The following GALNT13 variants were observed in gnomAD, a reference collection of about 807,000 sequenced individuals.
The protein encoded by GALNT13 is UDP-GalNAc:polypeptide N-acetylgalactosaminyltransferase 13.
A neutral mutation model predicts 64.2 loss-of-function variants in GALNT13; 28 were observed. The ratio of observed to expected loss-of-function variants is 0.44; its 90% confidence interval spans 0.32 to 0.60. The LOEUF is 0.60. Among genes scored for constraint, GALNT13 ranks in the 20% least tolerant of loss-of-function variants. The pLI is 0.05. For synonymous variants in GALNT13, 214 were observed against 224.6 expected, an observed-to-expected ratio of 0.95 and a Z score of 0.42; for missense variants, 577 against 669.8, an observed-to-expected ratio of 0.86 and a Z score of 1.53.
the GALNT13 span, among the ~76,000 whole-genome samples, chr2:153,231,157 T>C: frequency 6.6e-6 from 1 of 152,164 alleles, no homozygotes; most frequent in Non-Finnish European, 1.5e-5. Context: ...CCCAGGAATG[T>C]AGGCCGATGA....
intron 9 of GALNT13, among the ~76,000 whole-genome samples, chr2:154,359,223 C>T (rs1362358875): frequency 6.6e-6 from 1 of 152,028 alleles, no homozygotes; most frequent in African/African-American, 2.4e-5. Context: ...GACCGGGTAT[C>T]CTATTCAAGG....
chr2:153,786,589 AGAG>A, the GALNT13 span, among the ~76,000 whole-genome samples: 297 of 152,000 alleles, frequency 2.0e-3, 11 homozygotes, highest in East Asian at 0.046. Context: ...TATGATACTG[AGAG>A]GAGATCAGTC....
the GALNT13 span, among the ~76,000 whole-genome samples, chr2:153,432,586 C>T: frequency 4.6e-5 from 7 of 151,970 alleles, no homozygotes; most frequent in African/African-American, 1.7e-4. Flanking sequence ...TCAAGTTTCA[C>T]CTATTGCTTG....
At chr2:153,819,424 G>C in the GALNT13 span, among the ~76,000 whole-genome samples, 1 of 152,094 alleles carries the variant, frequency 6.6e-6, no homozygotes, top group Non-Finnish European at 1.5e-5. Flanking sequence ...TCAAGGAAGG[G>C]GAACCAGTGC....
the GALNT13 span, among the ~76,000 whole-genome samples, chr2:153,481,108 G>C: frequency 6.6e-6 from 1 of 152,052 alleles, no homozygotes; most frequent in Non-Finnish European, 1.5e-5. Context: ...AAGGTAATAG[G>C]TATTTCCCCC....
the GALNT13 span, among the ~76,000 whole-genome samples, chr2:153,289,521 T>G: frequency 1.3e-5 from 2 of 152,238 alleles, no homozygotes; most frequent in African/African-American, 4.8e-5. Flanking sequence ...GAGCTAATGT[T>G]CCTTTCACTA....
the GALNT13 span, among the ~76,000 whole-genome samples, chr2:153,693,930 C>T: frequency 4.0e-5 from 6 of 151,896 alleles, no homozygotes; most frequent in Admixed American, 3.3e-4. Context: ...CTGGTGAAAC[C>T]CTGTCTGTAC....
intron 12 of GALNT13, 27 bp downstream of exon 12, chr2:154,438,753 T>A (rs376077847): frequency 1.3e-6 from 2 of 1,538,202 alleles, no homozygotes; most frequent in East Asian, 2.3e-5. Flanking sequence ...ATTTACTTAT[T>A]ATTTGATGCT....
chr2:153,139,203 T>C, the GALNT13 span, among the ~76,000 whole-genome samples: 18 of 152,160 alleles, frequency 1.2e-4, no homozygotes, highest in South Asian at 3.5e-3. Context: ...TCTAGAGCCG[T>C]TTCACACAGC....
the GALNT13 span, among the ~76,000 whole-genome samples, chr2:153,290,867 T>A: frequency 6.6e-6 from 1 of 152,286 alleles, no homozygotes; most frequent in South Asian, 2.1e-4. Context: ...TTTGTGAAAA[T>A]ATAACCTGAT....
the GALNT13 span, among the ~76,000 whole-genome samples, chr2:153,686,940 C>T: frequency 6.6e-6 from 1 of 152,136 alleles, no homozygotes; most frequent in African/African-American, 2.4e-5. Context: ...TGATGAATCA[C>T]ATTTATTGAT....
chr2:153,342,433 C>G, the GALNT13 span, among the ~76,000 whole-genome samples: 1 of 152,174 alleles, frequency 6.6e-6, no homozygotes. Context: ...TAAAGAGTTT[C>G]CTAATGAGCA....
chr2:153,937,953 T>A (rs942287629), intron 2 of GALNT13, among the ~76,000 whole-genome samples: 1 of 152,174 alleles, frequency 6.6e-6, no homozygotes, highest in Non-Finnish European at 1.5e-5. Flanking sequence ...AAGATAGGGA[T>A]GTATAGACAT....
At chr2:153,105,411 A>G in the GALNT13 span, among the ~76,000 whole-genome samples, 2 of 152,110 alleles carry the variant, frequency 1.3e-5, no homozygotes, top group East Asian at 3.9e-4. Context: ...CCCACAGCCA[A>G]TATCATACCA....
chr2:153,215,811 A>G, the GALNT13 span, among the ~76,000 whole-genome samples: 1 of 151,684 alleles, frequency 6.6e-6, no homozygotes, highest in East Asian at 1.9e-4. Context: ...CTAGTTCACT[A>G]TCAGTATATT....
the GALNT13 span, among the ~76,000 whole-genome samples, chr2:153,473,921 C>T: frequency 6.6e-6 from 1 of 152,198 alleles, no homozygotes; most frequent in Non-Finnish European, 1.5e-5. Context: ...GAATTGCTTA[C>T]TCCCCAGTAC....
chr2:154,037,842 G>A (rs1183885242), intron 3 of GALNT13, among the ~76,000 whole-genome samples: 1 of 152,086 alleles, frequency 6.6e-6, no homozygotes, highest in Non-Finnish European at 1.5e-5. Flanking sequence ...TAAAACACTG[G>A]TGAAAGAGGA....
intron 8 of GALNT13, among the ~76,000 whole-genome samples, chr2:154,297,409 G>A (rs1175306564): frequency 6.6e-6 from 1 of 152,154 alleles, no homozygotes; most frequent in Non-Finnish European, 1.5e-5. Context: ...CCTGTGAGGA[G>A]GGAATTGAAG....
At chr2:153,570,959 C>T in the GALNT13 span, among the ~76,000 whole-genome samples, 53 of 151,456 alleles carry the variant, frequency 3.5e-4, no homozygotes, top group South Asian at 2.1e-4. Context: ...GTTCCATATA[C>T]ATTTTAGTAT....
Sources: gnomAD v4.1 joint callset for allele counts (sites outside exome capture counted in the v4.1 genomes callset) on GRCh38, gnomAD v4.1.1 for gene constraint, MANE v1.5 for transcripts, NCBI Gene and HGNC (gene_info 2026-07-23, HGNC 2026-07-21) for gene names.